The following FMN1 variants were observed in gnomAD, a reference collection of about 807,000 sequenced individuals.
FMN1 encodes formin-1.
Under a neutral mutation model 132.4 loss-of-function variants are expected in FMN1, and 110 were observed. The ratio of observed to expected loss-of-function variants is 0.83; its 90% confidence interval spans 0.71 to 0.97. FMN1 has a LOEUF of 0.97. Among genes scored for constraint, FMN1 ranks in the 50% least tolerant of loss-of-function variants. The pLI is 0.00. For missense variants in FMN1, 1,792 were observed against 1,705.3 expected (o/e 1.05, Z -0.90); for synonymous variants, 722 against 651.7 (o/e 1.11, Z -1.64).
At chr15:32,838,715 A>G (rs1258765) in intron 17 of FMN1, among the ~76,000 whole-genome samples, 145,492 of 152,304 alleles carry the variant, frequency 0.96, 69,801 homozygotes, top group Non-Finnish European at 1. Context: ...CTTCCTGCTC[A>G]TTAAAAAATG....
intron 6 of FMN1, among the ~76,000 whole-genome samples, chr15:33,014,642 GA>G (rs940568287): frequency 2.0e-5 from 3 of 150,614 alleles, no homozygotes; most frequent in African/African-American, 7.3e-5. Context: ...CATTTTGGAG[GA>G]AAAAAAAATG....
intron 17 of FMN1, among the ~76,000 whole-genome samples, chr15:32,840,839 C>G (rs1567252109): frequency 2.0e-5 from 3 of 152,148 alleles, no homozygotes; most frequent in South Asian, 2.1e-4. Context: ...AAAATGTGCA[C>G]ACACTGTTTA....
At chr15:32,823,828 C>T (rs1199301966) in intron 17 of FMN1, among the ~76,000 whole-genome samples, 1 of 152,166 alleles carries the variant, frequency 6.6e-6, no homozygotes, top group East Asian at 1.9e-4. Context: ...GTCCAGAATG[C>T]TTCGTGGGTA....
chr15:32,907,611 T>C (rs2060458491), intron 12 of FMN1, among the ~76,000 whole-genome samples: 1 of 152,110 alleles, frequency 6.6e-6, no homozygotes, highest in Non-Finnish European at 1.5e-5. Context: ...CGGAGAACCT[T>C]GGAAGTTTCT....
At chr15:32,940,036 T>C (rs1365862768) in intron 9 of FMN1, among the ~76,000 whole-genome samples, 4 of 152,194 alleles carry the variant, frequency 2.6e-5, no homozygotes, top group African/African-American at 9.7e-5. Flanking sequence ...TTCTGTGCTA[T>C]TTTGACAATT....
At chr15:32,861,641 C>T (rs574402764) in intron 16 of FMN1, among the ~76,000 whole-genome samples, 3 of 152,288 alleles carry the variant, frequency 2.0e-5, no homozygotes, top group African/African-American at 7.2e-5. Flanking sequence ...GGTTGGGAAA[C>T]ATGTCAAGGT....
At chr15:33,192,001 A>C (rs1567848) in intron 2 of FMN1, among the ~76,000 whole-genome samples, 119,207 of 152,184 alleles carry the variant, frequency 0.78, 46,967 homozygotes, top group East Asian at 0.88. Context: ...CAGGTCCCAA[A>C]AAGAGATTAT....
At chr15:33,015,877 C>A (rs943426597) in intron 6 of FMN1, among the ~76,000 whole-genome samples, 1 of 152,112 alleles carries the variant, frequency 6.6e-6, no homozygotes, top group African/African-American at 2.4e-5. Flanking sequence ...ACACATAAAA[C>A]CCGTGATTTC....
At chr15:32,809,294 C>G (rs1182363448) in intron 17 of FMN1, among the ~76,000 whole-genome samples, 2 of 152,158 alleles carry the variant, frequency 1.3e-5, no homozygotes, top group East Asian at 3.8e-4. Context: ...CCTCTAGGCT[C>G]TATATGGTGA....
chr15:32,799,468 A>T (rs917547762), intron 18 of FMN1, among the ~76,000 whole-genome samples: 44 of 152,124 alleles, frequency 2.9e-4, no homozygotes, highest in Non-Finnish European at 7.3e-5. Flanking sequence ...AGCATCTTTG[A>T]CTCTCAATTT....
chr15:33,065,040 G>T lies in FMN1; in HGVS notation c.2078C>A (p.Thr693Asn). 1 of 1,611,320 alleles carries T rather than the reference G, an allele frequency of 6.2e-7. No homozygotes were observed. Among genetic ancestry groups the T allele is most frequent in the South Asian group, 1.1e-5 (1 of 90,374 alleles). Reference protein sequence around the residue: ...DHSLTEQDDRTPGRLQAVWPP... With the variant: ...DHSLTEQDDRNPGRLQAVWPP... Reference sequence around the variant, plus strand: ...CCAGACAGCTTGAAGTCTGCCAGGAGTCCTGTCATCCTGCTCAGTCAGGCT... The same window carrying T: ...CCAGACAGCTTGAAGTCTGCCAGGATTCCTGTCATCCTGCTCAGTCAGGCT... The change falls in exon 6 of 21, where the codon ACT becomes AAT. Residue 693 changes from threonine to asparagine, a missense_variant. Coordinates refer to ENST00000616417, the MANE Select transcript of FMN1 (RefSeq NM_001277313.2).
At chr15:33,062,465 C>CA (rs1386288810) in intron 6 of FMN1, among the ~76,000 whole-genome samples, 3 of 151,354 alleles carry the variant, frequency 2.0e-5, no homozygotes, top group South Asian at 2.1e-4. Context: ...ACTAAAAATG[C>CA]AAAAAAAATA....
At chr15:33,076,090 G>A (rs1451624256) in intron 5 of FMN1, among the ~76,000 whole-genome samples, 1 of 152,200 alleles carries the variant, frequency 6.6e-6, no homozygotes, top group Non-Finnish European at 1.5e-5. Flanking sequence ...GAGAAAGGCT[G>A]TGACTTCTGA....
At chr15:32,833,328 T>C (rs535664410) in intron 17 of FMN1, among the ~76,000 whole-genome samples, 2 of 152,306 alleles carry the variant, frequency 1.3e-5, no homozygotes, top group East Asian at 1.9e-4. Context: ...GTTAAGGGAA[T>C]GTCTTATGAA....
intron 6 of FMN1, among the ~76,000 whole-genome samples, chr15:33,017,666 G>C (rs983022057): frequency 6.6e-6 from 1 of 152,100 alleles, no homozygotes; most frequent in Non-Finnish European, 1.5e-5. Context: ...AATTTCTTTA[G>C]GCAAAAATAT....
At chr15:32,875,255 G>C (rs2059611549) in intron 16 of FMN1, among the ~76,000 whole-genome samples, 1 of 152,180 alleles carries the variant, frequency 6.6e-6, no homozygotes, top group Admixed American at 6.5e-5. Context: ...ACAGTAAGTA[G>C]CTGAGTCAGG....
chr15:32,897,701 A>T (rs2060193490), intron 15 of FMN1, among the ~76,000 whole-genome samples: 1 of 152,218 alleles, frequency 6.6e-6, no homozygotes, highest in Admixed American at 6.5e-5. Flanking sequence ...CAATAGGATC[A>T]GAGCTGTGTA....
chr15:33,082,925 T>C (rs1430902668), intron 5 of FMN1, among the ~76,000 whole-genome samples: 2 of 152,158 alleles, frequency 1.3e-5, no homozygotes, highest in East Asian at 3.9e-4. Context: ...TCCCATACAA[T>C]ATTTGGAAAC....
chr15:33,044,524 A>G (rs564537261), intron 6 of FMN1, among the ~76,000 whole-genome samples: 1 of 152,314 alleles, frequency 6.6e-6, no homozygotes, highest in African/African-American at 2.4e-5. Flanking sequence ...GAAACTACCC[A>G]CCAAAGGGTC....
Sources: gnomAD v4.1 joint callset for allele counts (sites outside exome capture counted in the v4.1 genomes callset) on GRCh38, gnomAD v4.1.1 for gene constraint, MANE v1.5 for transcripts, NCBI Gene and HGNC (gene_info 2026-07-23, HGNC 2026-07-21) for gene names.